The following EMSY variants were observed in gnomAD, a reference collection of about 807,000 sequenced individuals.
EMSY encodes EMSY transcriptional repressor, BRCA2 interacting.
Under a neutral mutation model 134.6 loss-of-function variants are expected in EMSY, and 26 were observed. The observed-to-expected ratio is 0.19, with a 90% CI of 0.14 to 0.27. The LOEUF (loss-of-function observed/expected upper bound fraction) is 0.27, where lower values mean the gene tolerates loss of function less well. EMSY is among the 10% of genes least tolerant of loss of function. The probability of loss-of-function intolerance (pLI) is 1.00; values close to 1 mark genes in which losing one functional copy is unlikely to be tolerated. For synonymous variants in EMSY, 579 were observed against 577.8 expected (o/e 1.00, Z -0.03); for missense variants, 1,305 against 1,611.4 (o/e 0.81, Z 3.26).
intron 9 of EMSY, among the ~76,000 whole-genome samples, chr11:76,505,211 C>T (rs866347940): frequency 4.6e-4 from 70 of 152,048 alleles, no homozygotes; most frequent in Admixed American, 4.5e-3. Context: ...CGGCCGGGAG[C>T]GGTGGCTCAT....
In EMSY at chr11:76,503,478, T is replaced by A. The variant is rs78089225; in HGVS notation, c.1363+7009T>A. Among the ~76,000 whole-genome samples the A allele has an allele frequency of 4.8e-4, 73 of 152,212 alleles. No homozygotes were observed. The East Asian group carries it at 7.3e-3, about 15-fold the overall frequency. On this transcript the variant is annotated intron_variant, in intron 9 of 20. Transcript: ENST00000334736. The stretch of plus-strand genomic sequence containing the variant: ...AACCGTACAACTATGGTCAACTGCT[T>A]TTTGAGAAAGATGCCAAGATCATTC...
downstream of EMSY, chr11:76,552,205 C>CT (rs1267467201): frequency 2.6e-5 from 4 of 152,092 alleles, no homozygotes; most frequent in African/African-American, 9.7e-5. Context: ...TTCTGTATGA[C>CT]AAGTAGTATT....
chr11:76,551,613 G>A (rs911583689), downstream of EMSY: 1 of 152,424 alleles, frequency 6.6e-6, no homozygotes, highest in African/African-American at 2.4e-5. Context: ...GTTCTGCTAG[G>A]TGATAATGAT....
intron 8 of EMSY, among the ~76,000 whole-genome samples, chr11:76,494,350 A>G (rs186743690): frequency 6.6e-6 from 1 of 152,360 alleles, no homozygotes; most frequent in East Asian, 1.9e-4. Flanking sequence ...GGAGTTACCC[A>G]TGTACATGAT....
intron 1 of EMSY, among the ~76,000 whole-genome samples, chr11:76,446,088 C>G (rs1034966165): frequency 6.6e-6 from 1 of 151,966 alleles, no homozygotes; most frequent in Admixed American, 6.6e-5. Flanking sequence ...TTTGCTCAGT[C>G]GCGTCAACCA....
rs779024778 is a variant in EMSY at position 76,536,049 on chromosome 11, A to G, written c.2349A>G (p.Gln783=). ...CAATCAAAGCTCTGTTAGAACTCCA[A>G]CAGACAACAGGTATGAATTCACATG... The change falls in exon 15 of 21, where the codon CAA becomes CAG. Residue 783 remains glutamine, a synonymous_variant. Transcript: ENST00000334736. 3 of 1,559,806 alleles carry G rather than the reference A, an allele frequency of 1.9e-6. No individual in the cohort carries two copies. In the African/African-American group the frequency reaches 4.1e-5, roughly 21 times the overall value.
chr11:76,513,073 T>A, intron 9 of EMSY, among the ~76,000 whole-genome samples: 1 of 152,188 alleles, frequency 6.6e-6, no homozygotes, highest in Non-Finnish European at 1.5e-5. Context: ...TGGAAAGGAT[T>A]ATTTGCCTGT....
chr11:76,463,727 G>C (rs1948233844), intron 6 of EMSY, 94 bp from the exon 8 acceptor site: 1 of 1,386,552 alleles, frequency 7.2e-7, no homozygotes, highest in African/African-American at 1.4e-5. Flanking sequence ...TTAAGACAGA[G>C]AGAGGACAAG....
At chr11:76,492,199 C>T (rs1002405716) in intron 8 of EMSY, among the ~76,000 whole-genome samples, 23 of 152,158 alleles carry the variant, frequency 1.5e-4, no homozygotes, top group African/African-American at 4.3e-4. Context: ...TCTGGCTGGG[C>T]GCAGTGGCTC....
intron 9 of EMSY, among the ~76,000 whole-genome samples, chr11:76,505,364 T>TA: frequency 7.0e-6 from 1 of 143,410 alleles, no homozygotes; most frequent in Admixed American, 7.0e-5. Context: ...CCCGGCTAAT[T>TA]TTTTTTTTTT....
rs563766695 is a variant in EMSY, at chr11:76,516,308, T to G, written c.1680T>G (p.Val560=). 8 of 1,604,974 alleles carry G rather than the reference T, an allele frequency of 5.0e-6. No individual in the cohort carries two copies. The South Asian group carries it at 8.8e-5, about 18-fold the overall frequency. Reference sequence around the variant, plus strand: ...GCAAGATAATTAGCAGTAATATAGTTTCTGGTAGGTATATCTGAAATATGT... The same window carrying G: ...GCAAGATAATTAGCAGTAATATAGTGTCTGGTAGGTATATCTGAAATATGT... Residue 560 remains valine (V), a synonymous_variant, in exon 11 of 21, where the codon GTT becomes GTG. Transcript: ENST00000334736.
intron 4 of EMSY, 108 bp downstream of exon 4, chr11:76,453,496 A>G: frequency 3.2e-6 from 3 of 947,910 alleles, no homozygotes; most frequent in South Asian, 3.4e-5. Flanking sequence ...AAGTAACAAT[A>G]TCTCTATACT....
At position 76,513,583 on chromosome 11, in the gene EMSY, A is replaced by G. The variant is rs1292085581; in HGVS notation, c.1513+48A>G. 3.1e-6 allele frequency: 5 copies of G among 1,590,588 alleles called. No individual in the cohort carries two copies. In the African/African-American group the frequency reaches 4.0e-5, roughly 13 times the overall value. ...TCATTTATTCATCATACATTCATCA[A>G]ACAGTTTCTCTGTACCAGCAATATG... On this transcript the variant is annotated intron_variant, in intron 10 of 20. Coordinates refer to ENST00000334736, the Ensembl canonical transcript of EMSY.
intron 11 of EMSY, among the ~76,000 whole-genome samples, chr11:76,519,514 C>T (rs535940272): frequency 3.3e-5 from 5 of 152,216 alleles, no homozygotes; most frequent in Admixed American, 2.0e-4. Context: ...ATTCTAAGGA[C>T]GTTATGAGAA....
At chr11:76,470,045 A>T (rs1565288650) in intron 7 of EMSY, among the ~76,000 whole-genome samples, 1 of 152,164 alleles carries the variant, frequency 6.6e-6, no homozygotes, top group Non-Finnish European at 1.5e-5. Context: ...GTAACACTGG[A>T]TAAGAACTCA....
chr11:76,475,737 TTGTGATTGTG>T (rs1362783265), intron 8 of EMSY, among the ~76,000 whole-genome samples: 1 of 152,204 alleles, frequency 6.6e-6, no homozygotes, highest in Non-Finnish European at 1.5e-5. Context: ...CAGACTGCGT[TTGTGATTGTG>T]CCTGCAGGAC....
intron 12 of EMSY, among the ~76,000 whole-genome samples, chr11:76,523,704 C>CTTTTTTTTTTTTTTTTTTTTT (rs746491659): frequency 1.6e-4 from 13 of 80,534 alleles, no homozygotes; most frequent in African/African-American, 2.6e-4. Flanking sequence ...TTGTTACTTT[C>CTTTTTTTTTTTTTTTTTTTTT]TTTTTTTTTT....
intron 16 of EMSY, 61 bp from the exon 18 acceptor site, chr11:76,539,538 A>G: frequency 1.3e-6 from 2 of 1,538,010 alleles, no homozygotes; most frequent in Non-Finnish European, 1.8e-6. Flanking sequence ...GGGGTAGACT[A>G]GATTCTTGCA....
At chr11:76,533,277 G>A (rs1166510906) in intron 14 of EMSY, among the ~76,000 whole-genome samples, 4 of 152,086 alleles carry the variant, frequency 2.6e-5, no homozygotes, top group African/African-American at 9.7e-5. Flanking sequence ...GGTGGGTTGG[G>A]TTGGTGGGGA....
Sources: gnomAD v4.1 joint callset for allele counts (sites outside exome capture counted in the v4.1 genomes callset) on GRCh38, gnomAD v4.1.1 for gene constraint, MANE v1.5 for transcripts, NCBI Gene and HGNC (gene_info 2026-07-23, HGNC 2026-07-21) for gene names.